CPNE1: variants seen among roughly 807,000 people sequenced by gnomAD.
CPNE1 encodes copine 1, also known as copine-1.
Under a neutral mutation model 63.2 loss-of-function variants are expected in CPNE1, and 58 were observed. That is an observed-to-expected ratio of 0.92 (90% CI 0.74 to 1.14). CPNE1 has a LOEUF of 1.14. Among genes scored for constraint, CPNE1 ranks in the 50% most tolerant of loss-of-function variants. The probability of loss-of-function intolerance (pLI) is 0.00; values close to 1 mark genes in which losing one functional copy is unlikely to be tolerated. For synonymous variants in CPNE1, 237 were observed against 249.0 expected (o/e 0.95, Z 0.45); for missense variants, 672 against 661.7 (o/e 1.02, Z -0.17).
chr20:35,627,986 A>G (rs1263647588), intron 13 of CPNE1, among the ~76,000 whole-genome samples: 1 of 139,538 alleles, frequency 7.2e-6, no homozygotes, highest in African/African-American at 2.9e-5. Flanking sequence ...TCACTTAAAA[A>G]ATAAAAAAAC....
chr20:35,631,760 C>A lies in CPNE1; in HGVS notation c.555G>T (p.Leu185=). 1 of 1,613,976 alleles carries A rather than the reference C, an allele frequency of 6.2e-7. No individual in the cohort carries two copies. The highest frequency in any genetic ancestry group is 8.5e-7 in the Non-Finnish European group (1 of 1,179,976). ...CTGAGAAACGCTTCCATGTAGGGTT[C>A]AGGTTGTTCTTGATGACCTGAAGGT... is the stretch of plus-strand genomic sequence containing the variant. ...VYRSEVIKNN[L]NPTWKRFSVP... Residue 185 remains leucine (L), a synonymous_variant, in exon 7 of 16, where the codon CTG becomes CTT. Transcript: ENST00000397443.
chr20:35,641,031 T>C (rs1370476068), intron 1 of CPNE1, among the ~76,000 whole-genome samples: 1 of 152,216 alleles, frequency 6.6e-6, no homozygotes, highest in Non-Finnish European at 1.5e-5. Context: ...AGTTACCCTT[T>C]ATAGTTTGTT....
intron 1 of CPNE1, among the ~76,000 whole-genome samples, chr20:35,661,334 C>T (rs1184804201): frequency 6.6e-6 from 1 of 152,172 alleles, no homozygotes; most frequent in African/African-American, 2.4e-5. Flanking sequence ...TGTCAGCTAG[C>T]GACTGAATGC....
At chr20:35,637,469 G>A (rs1326621463) in intron 1 of CPNE1, among the ~76,000 whole-genome samples, 6 of 151,926 alleles carry the variant, frequency 3.9e-5, no homozygotes, top group Admixed American at 2.6e-4. Flanking sequence ...CCCACCCACC[G>A]AACTAGTCAT....
At position 35,626,975 on chromosome 20, in the gene CPNE1, G is replaced by A. The variant is rs992187943; in HGVS notation, c.1237-172C>T. On this transcript the variant is annotated intron_variant, in intron 14 of 15. Transcript: ENST00000397443. ...GGCTAAGGCAGGCGGATCACTTGAG[G>A]TCAGGAGTTTGTGACCACCCCAGCC... is the stretch of plus-strand genomic sequence containing the variant. 7.6e-6 allele frequency: 5 copies of A among 654,146 alleles called. No homozygotes were observed. In the Admixed American group the frequency reaches 1.3e-4, roughly 16 times the overall value. 40.5% of individuals were successfully genotyped at this position (654,146 alleles called of 1,614,324 possible). A position where few individuals can be genotyped will look rare whatever the true frequency, so the allele number is the denominator to read the frequency against.
At chr20:35,628,381 A>G (rs189661358) in intron 13 of CPNE1, among the ~76,000 whole-genome samples, 1 of 152,284 alleles carries the variant, frequency 6.6e-6, no homozygotes, top group Admixed American at 6.5e-5. Flanking sequence ...TTCCCAGAAT[A>G]TACTTACTAA....
intron 1 of CPNE1, chr20:35,653,349 G>C: frequency 1.2e-6 from 2 of 1,614,012 alleles, no homozygotes; most frequent in Non-Finnish European, 1.7e-6. Context: ...GTCCCACACC[G>C]GGCAGTCCCG....
chr20:35,636,469 A>C (rs1257291381), intron 1 of CPNE1, among the ~76,000 whole-genome samples: 1 of 152,236 alleles, frequency 6.6e-6, no homozygotes, highest in Non-Finnish European at 1.5e-5. Context: ...TGGCTAAAAA[A>C]CAAGCCAGAA....
chr20:35,631,225 A>G, intron 9 of CPNE1, 43 bp downstream of exon 9: 3 of 1,612,618 alleles, frequency 1.9e-6, no homozygotes, highest in Non-Finnish European at 1.7e-6. Flanking sequence ...GGTGTCATGG[A>G]GCTCAGGAAT....
chr20:35,641,452 T>C (rs1439263731), intron 1 of CPNE1, among the ~76,000 whole-genome samples: 2 of 152,204 alleles, frequency 1.3e-5, no homozygotes, highest in East Asian at 3.8e-4. Context: ...CTAGCCACAA[T>C]AATGACATAC....
At position 35,632,547 on chromosome 20, in the gene CPNE1, G is replaced by GA; in HGVS notation, c.278dup (p.Leu94ProfsTer5). On this transcript the variant is annotated frameshift_variant, in exon 3 of 16. Coordinates refer to ENST00000397443, the MANE Select transcript of CPNE1 (RefSeq NM_152925.3). LOFTEE classifies it high-confidence loss of function. ...CTAGGGAACACTCAGCACCCCCTAG[G>GA]AAGTCATCATCCCTCAGCTCTGGCG... 3 of 1,614,002 alleles carry GA rather than the reference G, an allele frequency of 1.9e-6. No homozygotes were observed. The highest frequency in any genetic ancestry group is 1.7e-6 in the Non-Finnish European group (2 of 1,179,932).
chr20:35,645,314 C>A (rs909689898), intron 1 of CPNE1, among the ~76,000 whole-genome samples: 1 of 151,992 alleles, frequency 6.6e-6, no homozygotes, highest in Non-Finnish European at 1.5e-5. Flanking sequence ...TTAGGGAAGC[C>A]GAGAAAGCAA....
intron 13 of CPNE1, among the ~76,000 whole-genome samples, chr20:35,629,970 C>T (rs913631209): frequency 2.0e-5 from 3 of 152,134 alleles, no homozygotes; most frequent in Non-Finnish European, 2.9e-5. Flanking sequence ...CCTGGCATGA[C>T]GATTTGATTC....
At chr20:35,643,055 T>C (rs567787176) in intron 1 of CPNE1, 1 of 152,352 alleles carries the variant, frequency 6.6e-6, no homozygotes, top group African/African-American at 2.4e-5. Flanking sequence ...TACAACTAAC[T>C]CTTCAAAAAG....
At chr20:35,631,082 C>T (rs1349558892) in intron 10 of CPNE1, 32 bp downstream of exon 10, 1 of 1,614,010 alleles carries the variant, frequency 6.2e-7, no homozygotes, top group African/African-American at 1.3e-5. Flanking sequence ...GAGCCCCAGA[C>T]CTGTTCTCTT....
intron 1 of CPNE1, among the ~76,000 whole-genome samples, chr20:35,639,736 C>T (rs147195667): frequency 3.7e-4 from 57 of 152,322 alleles, no homozygotes; most frequent in African/African-American, 1.3e-3. Context: ...GGTAAGATTA[C>T]AGGCCACAAC....
At position 35,630,762 on chromosome 20, in the gene CPNE1, G is replaced by A. The variant is rs2032070776; in HGVS notation, c.1029C>T (p.Ala343=). The change falls in exon 12 of 16, where the codon GCC becomes GCT. Residue 343 remains alanine (A), a synonymous_variant. Transcript: ENST00000397443. Reference sequence around the variant, plus strand: ...TCACCTGCCAGTCAGGGGGAACCTGGGCCCCAAATCCAAATGCAGGGAACA... The same window carrying A: ...TCACCTGCCAGTCAGGGGGAACCTGAGCCCCAAATCCAAATGCAGGGAACA... ...DKLFPAFGFG[A]QVPPDWQVSH... The A allele has an allele frequency of 3.1e-6, 5 of 1,613,970 alleles. No homozygotes were observed. Among genetic ancestry groups the A allele is most frequent in the Admixed American group, 1.7e-5 (1 of 59,996 alleles).
Position 35,652,813 on chromosome 20 carries a change from G to T in CPNE1, c.-1+11947C>A, listed in dbSNP as rs755833450. 11 of 1,604,394 alleles carry T rather than the reference G, an allele frequency of 6.9e-6. No individual in the cohort carries two copies. The Admixed American group carries it at 1.6e-4, about 23-fold the overall frequency. ...GCCAGGGGGACCACCAATATGGATT[G>T]GGCCAGGGCCGGGGCCGGGGCCGGG... On this transcript the variant is annotated intron_variant, in intron 1 of 15. Coordinates refer to ENST00000397443, the MANE Select transcript of CPNE1 (RefSeq NM_152925.3).
chr20:35,627,363 G>A lies in CPNE1; in HGVS notation c.1153C>T (p.Leu385Phe). Residue 385 changes from leucine (L) to phenylalanine (F), a missense_variant, in exon 14 of 16, where the codon CTC (leucine) becomes TTC (phenylalanine). Coordinates refer to ENST00000397443, the MANE Select transcript of CPNE1 (RefSeq NM_152925.3). ...GGTGCAAAGTTGGTAGGGCCATAGA[G>A]GCGAACTTGGGGCAGGGCTTGGCGG... The part of the protein sequence containing the change: ...AYRQALPQVR[L>F]YGPTNFAPII... The A allele has an allele frequency of 6.2e-7, 1 of 1,614,138 alleles. No individual in the cohort carries two copies. The highest frequency in any genetic ancestry group is 8.5e-7 in the Non-Finnish European group (1 of 1,180,022).
Sources: gnomAD v4.1 joint callset for allele counts (sites outside exome capture counted in the v4.1 genomes callset) on GRCh38, gnomAD v4.1.1 for gene constraint, MANE v1.5 for transcripts, NCBI Gene and HGNC (gene_info 2026-07-23, HGNC 2026-07-21) for gene names.